FMN1: variants seen among roughly 807,000 people sequenced by gnomAD.
FMN1 encodes the protein formin-1.
FMN1 carries 110 observed loss-of-function variants against 132.4 expected under a neutral mutation model. That is an observed-to-expected ratio of 0.83 (90% CI 0.71 to 0.97). The LOEUF is 0.97. Ranked by LOEUF, FMN1 falls within the 50% of genes least tolerant of loss-of-function variation. The probability of loss-of-function intolerance (pLI) is 0.00; values close to 1 mark genes in which losing one functional copy is unlikely to be tolerated. For missense variants in FMN1, 1,792 were observed against 1,705.3 expected (o/e 1.05, Z -0.90); for synonymous variants, 722 against 651.7 (o/e 1.11, Z -1.64).
intron 13 of FMN1, 59 bp from the exon 14 acceptor site, chr15:32,900,184 C>G (rs1437022085): frequency 6.4e-7 from 1 of 1,573,834 alleles, no homozygotes; most frequent in South Asian, 1.1e-5. Context: ...CATGTTCATT[C>G]AGTAACAAAT....
chr15:33,082,020 G>GGTGTGTGTGTGTGTGTGT (rs57369569), intron 5 of FMN1, among the ~76,000 whole-genome samples: 2 of 117,762 alleles, frequency 1.7e-5, no homozygotes, highest in African/African-American at 6.8e-5. Context: ...AGAGTTCAGG[G>GGTGTGTGTGTGTGTGTGT]GTGTGTGTGT....
At chr15:32,831,388 T>C (rs749605974) in intron 17 of FMN1, among the ~76,000 whole-genome samples, 6 of 152,090 alleles carry the variant, frequency 3.9e-5, no homozygotes, top group African/African-American at 1.4e-4. Context: ...TTGCTAATAA[T>C]ATAACGCACA....
In FMN1 at chr15:32,915,795, C is replaced by G. The variant is rs563019856; in HGVS notation, c.3227-5260G>C. 2.0e-5 allele frequency among the ~76,000 whole-genome samples: 3 copies of G among 152,344 alleles called. No individual in the cohort carries two copies. The East Asian group carries it at 5.8e-4, about 29-fold the overall frequency. On this transcript the variant is annotated intron_variant, in intron 10 of 20. Coordinates refer to ENST00000616417, the MANE Select transcript of FMN1 (RefSeq NM_001277313.2). The stretch of plus-strand genomic sequence containing the variant: ...TATCAATCACTGCTGGTGGTTTTTA[C>G]TTTTATCTCCTTCCCTCCTTAGTTG...
intron 4 of FMN1, among the ~76,000 whole-genome samples, chr15:33,114,499 C>T (rs1024614062): frequency 2.6e-5 from 4 of 152,204 alleles, no homozygotes; most frequent in Non-Finnish European, 5.9e-5. Flanking sequence ...ACATCTGTTC[C>T]GTTTCAGAAA....
At chr15:33,156,278 T>G (rs1964667063) in intron 3 of FMN1, among the ~76,000 whole-genome samples, 1 of 133,562 alleles carries the variant, frequency 7.5e-6, no homozygotes, top group Non-Finnish European at 1.5e-5. Flanking sequence ...AAGTAGTTTT[T>G]TTTTTTTTTT....
intron 8 of FMN1, among the ~76,000 whole-genome samples, chr15:32,967,769 T>C (rs1356536467): frequency 6.6e-6 from 1 of 152,220 alleles, no homozygotes; most frequent in Non-Finnish European, 1.5e-5. Context: ...GTTTTATCAT[T>C]GTGAGTTGTG....
intron 10 of FMN1, among the ~76,000 whole-genome samples, chr15:32,920,109 C>A (rs2060783996): frequency 6.6e-6 from 1 of 152,164 alleles, no homozygotes; most frequent in African/African-American, 2.4e-5. Context: ...CAGGAGGTTT[C>A]TGGCATCTAG....
At chr15:32,854,986 T>C (rs1182926771) in intron 17 of FMN1, among the ~76,000 whole-genome samples, 1 of 151,384 alleles carries the variant, frequency 6.6e-6, no homozygotes, top group African/African-American at 2.4e-5. Context: ...CCCATTAAGA[T>C]ATTCCTTGGG....
At chr15:33,118,189 C>T (rs2468762) in intron 4 of FMN1, among the ~76,000 whole-genome samples, 143,790 of 152,316 alleles carry the variant, frequency 0.94, 67,983 homozygotes, top group East Asian at 1. Context: ...CACTGCCTAA[C>T]ATCCTCCATG....
At position 32,902,056 on chromosome 15, in the gene FMN1, T is replaced by C. The variant is rs1221655309; in HGVS notation, c.3378-16A>G. The C allele has an allele frequency of 2.5e-6, 4 of 1,601,280 alleles. No homozygotes were observed. Among genetic ancestry groups the C allele is most frequent in the East Asian group, 4.5e-5 (2 of 44,724 alleles). On this transcript the variant is annotated splice_polypyrimidine_tract_variant and intron_variant, in intron 12 of 20. Transcript: ENST00000616417. The stretch of plus-strand genomic sequence containing the variant: ...ATGTAAAAATCTGTAAAAAAGAAAA[T>C]GTGTCATCTACCTTCACATATAATC...
chr15:32,983,223 T>A (rs2032820006), intron 7 of FMN1, among the ~76,000 whole-genome samples: 1 of 152,066 alleles, frequency 6.6e-6, no homozygotes, highest in Non-Finnish European at 1.5e-5. Context: ...TATGGATGAG[T>A]CTCAAATGCA....
At chr15:32,800,325 C>T (rs1024728577) in intron 18 of FMN1, among the ~76,000 whole-genome samples, 1 of 152,142 alleles carries the variant, frequency 6.6e-6, no homozygotes, top group Non-Finnish European at 1.5e-5. Context: ...TGGAGAAAGG[C>T]AATAACTGCA....
At chr15:32,964,293 C>G in intron 8 of FMN1, 36 bp from the exon 9 acceptor site, 1 of 1,476,008 alleles carries the variant, frequency 6.8e-7, no homozygotes, top group African/African-American at 1.4e-5. Context: ...CCATAAGAAC[C>G]AAAACAGGAA....
chr15:32,789,694 CCACTGACT>C (rs563079173), intron 19 of FMN1, among the ~76,000 whole-genome samples: 25 of 152,292 alleles, frequency 1.6e-4, no homozygotes, highest in Admixed American at 3.3e-4. Context: ...GATTCACCCA[CCACTGACT>C]CACTGACTCA....
At chr15:32,832,856 A>G (rs972746878) in intron 17 of FMN1, among the ~76,000 whole-genome samples, 1 of 151,996 alleles carries the variant, frequency 6.6e-6, no homozygotes, top group African/African-American at 2.4e-5. Context: ...CTTCTATTTC[A>G]ACTCTCCTTT....
intron 4 of FMN1, among the ~76,000 whole-genome samples, chr15:33,110,718 A>G (rs1289271524): frequency 6.9e-6 from 1 of 145,840 alleles, no homozygotes; most frequent in South Asian, 2.1e-4. Context: ...GATGACTAAC[A>G]GTCTTTTATT....
rs2056308970 is a variant in FMN1 at position 32,773,275 on chromosome 15, A to G, written c.*1035T>C. 2 of 152,132 alleles carry G rather than the reference A, an allele frequency of 1.3e-5. No homozygotes were observed. Among genetic ancestry groups the G allele is most frequent in the Admixed American group, 1.3e-4 (2 of 15,272 alleles). The allele number at this position is 152,132 out of a possible 1,614,324, so 9.4% of individuals were successfully genotyped here. Reference sequence around the variant, plus strand: ...TTTTGACATTAAAGAGTCCTGCTTCATCCTACTTCACATGCCTATCAGCCA... The same window carrying G: ...TTTTGACATTAAAGAGTCCTGCTTCGTCCTACTTCACATGCCTATCAGCCA... On this transcript the variant is annotated 3_prime_UTR_variant, in exon 21 of 21. Coordinates refer to ENST00000616417, the MANE Select transcript of FMN1 (RefSeq NM_001277313.2).
At chr15:33,139,577 C>T (rs529016506) in intron 4 of FMN1, among the ~76,000 whole-genome samples, 4 of 152,274 alleles carry the variant, frequency 2.6e-5, no homozygotes, top group South Asian at 4.1e-4. Flanking sequence ...GGCGACAGAG[C>T]GAGACTTCTG....
chr15:33,043,622 A>G (rs1323732925), intron 6 of FMN1, among the ~76,000 whole-genome samples: 2 of 152,334 alleles, frequency 1.3e-5, no homozygotes, highest in East Asian at 3.9e-4. Flanking sequence ...AGTGGGATAA[A>G]AAGTGGCACC....
Sources: allele counts gnomAD v4.1 joint callset (sites outside exome capture counted in the v4.1 genomes callset), GRCh38; gene constraint gnomAD v4.1.1; transcripts MANE v1.5; gene names NCBI Gene and HGNC (gene_info 2026-07-23, HGNC 2026-07-21).